Variants in PPP4C observed in about 807,000 individuals in gnomAD.
The protein encoded by PPP4C is serine/threonine-protein phosphatase 4 catalytic subunit.
A neutral mutation model predicts 40.5 loss-of-function variants in PPP4C; 10 were observed. The observed-to-expected ratio is 0.25, with a 90% CI of 0.15 to 0.42. The LOEUF (loss-of-function observed/expected upper bound fraction) is 0.42, where lower values mean the gene tolerates loss of function less well. Among genes scored for constraint, PPP4C ranks in the 10% least tolerant of loss-of-function variants. PPP4C has a pLI of 1.00. For synonymous variants in PPP4C, 187 were observed against 163.6 expected (o/e 1.14, Z -1.09); for missense variants, 191 against 416.4 (o/e 0.46, Z 4.71).
intron 5 of PPP4C, 146 bp downstream of exon 5, chr16:30,082,993 G>A: frequency 1.4e-6 from 1 of 713,454 alleles, no homozygotes; most frequent in Non-Finnish European, 2.3e-6. Flanking sequence ...TTTGGGGGTG[G>A]TCAGAGACTT....
chr16:30,080,693 G>A (rs1350731498), intron 2 of PPP4C, among the ~76,000 whole-genome samples: 3 of 152,022 alleles, frequency 2.0e-5, no homozygotes, highest in African/African-American at 7.2e-5. Context: ...ATTTAGTAGA[G>A]ACAGGGTTTC....
At position 30,085,080 on chromosome 16, in the gene PPP4C, C is replaced by A; in HGVS notation, c.*18C>A. ...TCCTGTGACCCCGCCCGGCCCCTGC[C>A]CCCTCCAACCCTTCTGGCCCTCGCA... is the stretch of plus-strand genomic sequence containing the variant. On this transcript the variant is annotated 3_prime_UTR_variant, in exon 9 of 9. Transcript: ENST00000279387. 1 of 1,611,900 alleles carries A rather than the reference C, an allele frequency of 6.2e-7. No homozygotes were observed. Among genetic ancestry groups the A allele is most frequent in the South Asian group, 1.1e-5 (1 of 90,896 alleles).
At chr16:30,082,941 C>T in intron 5 of PPP4C, 94 bp downstream of exon 5, 2 of 1,094,710 alleles carry the variant, frequency 1.8e-6, no homozygotes, top group East Asian at 2.4e-5. Flanking sequence ...CGTGACCAGC[C>T]CCACCTTGGA....
Position 30,083,146 on chromosome 16 carries a change from G to A in PPP4C, c.304-248G>A, listed in dbSNP as rs1014351615. On this transcript the variant is annotated intron_variant, in intron 5 of 8. Transcript: ENST00000279387. This position sits in a 1 kb window ranked among gnomAD's most constrained non-coding sequence, Gnocchi z 6.3. Reference sequence around the variant, plus strand: ...GGCCTGGGTGCCTTGCTAGGGACCCGGTCTGTGTCTGGTAGGTGAAAGAAG... The same window carrying A: ...GGCCTGGGTGCCTTGCTAGGGACCCAGTCTGTGTCTGGTAGGTGAAAGAAG... 18 of 597,886 alleles carry A rather than the reference G, an allele frequency of 3.0e-5. No individual in the cohort carries two copies. The highest frequency in any genetic ancestry group is 5.6e-5 in the African/African-American group (3 of 53,828). 37.0% of individuals were successfully genotyped at this position (597,886 alleles called of 1,614,324 possible).
Position 30,081,307 on chromosome 16 carries a change from C to A in PPP4C, c.147C>A (p.Val49=). Residue 49 remains valine (V), a synonymous_variant, in exon 3 of 9, where the codon GTC becomes GTA. Coordinates refer to ENST00000279387, the MANE Select transcript of PPP4C (RefSeq NM_002720.3). ...ESNVQRVDSP[V]TVCGDIHGQF... is the part of the protein sequence containing the mutation. ...ACGTGCAGAGGGTGGACTCGCCAGTCACAGTGAGTACCTGCTGTCCCTGCA... is the reference window on the plus strand; with the variant it reads ...ACGTGCAGAGGGTGGACTCGCCAGTAACAGTGAGTACCTGCTGTCCCTGCA... The A allele has an allele frequency of 6.2e-7, 1 of 1,612,950 alleles. No homozygotes were observed. The highest frequency in any genetic ancestry group is 1.1e-5 in the South Asian group (1 of 91,050).
intron 4 of PPP4C, 50 bp from the exon 5 acceptor site, chr16:30,082,696 G>A (rs766716948): frequency 2.2e-5 from 34 of 1,561,816 alleles, no homozygotes; most frequent in Non-Finnish European, 2.9e-5. Flanking sequence ...GAAACAGGTA[G>A]GGGGTAGGGG....
intron 2 of PPP4C, among the ~76,000 whole-genome samples, chr16:30,078,361 TTGAC>T (rs2072442706): frequency 6.6e-6 from 1 of 152,206 alleles, no homozygotes; most frequent in Admixed American, 6.5e-5. Context: ...ATCCAGGTCT[TTGAC>T]TGTGCTCCGT....
At position 30,083,102 on chromosome 16, in the gene PPP4C, GTGGGGCCAGATGACAAAGGGCC is replaced by G. The variant is rs2072542075; in HGVS notation, c.303+260_304-266del. The G allele has an allele frequency of 1.7e-6, 1 of 591,988 alleles. No homozygotes were observed. The highest frequency in any genetic ancestry group is 3.0e-6 in the Non-Finnish European group (1 of 334,584). The allele number at this position is 591,988 out of a possible 1,614,324, so 36.7% of individuals were successfully genotyped here. A position where few individuals can be genotyped will look rare whatever the true frequency, so the allele number is the denominator to read the frequency against. ...TGATGCCACTGGTGGGAGAGGCAGT[GTGGGGCCAGATGACAAAGGGCC>G]TGGGTGCCTTGCTAGGGACCCGGTC... On this transcript the variant is annotated intron_variant, in intron 5 of 8. Transcript: ENST00000279387. The surrounding 1 kb of genome is among the most constrained non-coding windows in gnomAD (Gnocchi z 6.3).
chr16:30,076,707 A>G (rs1039549048), intron 2 of PPP4C, among the ~76,000 whole-genome samples: 1 of 152,226 alleles, frequency 6.6e-6, no homozygotes, highest in Non-Finnish European at 1.5e-5. Flanking sequence ...AGAGTGTTAC[A>G]TAAAGTACTT....
intron 2 of PPP4C, 155 bp from the exon 3 acceptor site, chr16:30,081,104 G>A: frequency 1.0e-6 from 1 of 970,794 alleles, no homozygotes; most frequent in Non-Finnish European, 1.6e-6. Flanking sequence ...CATGCTGAAG[G>A]GCCGTGGTCA....
At chr16:30,081,347 C>A in intron 3 of PPP4C, 37 bp downstream of exon 3, 1 of 1,555,242 alleles carries the variant, frequency 6.4e-7, no homozygotes, top group South Asian at 1.1e-5. Context: ...CAGGCCTGGT[C>A]TTTCAGGCAC....
chr16:30,081,091 T>C lies in PPP4C; in HGVS notation c.99-168T>C, dbSNP rs2072496987. 4.8e-6 allele frequency: 4 copies of C among 838,582 alleles called. No individual in the cohort carries two copies. The Admixed American group carries it at 7.9e-5, about 17-fold the overall frequency. The allele number at this position is 838,582 out of a possible 1,614,324, so 51.9% of individuals were successfully genotyped here. ...GGCAGCAGGGGGCCACGGAAGGGTG[T>C]TGCATGCTGAAGGGCCGTGGTCAGC... On this transcript the variant is annotated intron_variant, in intron 2 of 8. Transcript: ENST00000279387.
chr16:30,082,368 A>C, intron 3 of PPP4C, 116 bp from the exon 4 acceptor site: 1 of 1,134,192 alleles, frequency 8.8e-7, no homozygotes, highest in Non-Finnish European at 1.3e-6. Flanking sequence ...TTTTGGTCCT[A>C]GGAAGTAGAA....
chr16:30,082,010 G>A (rs1377836578), intron 3 of PPP4C, among the ~76,000 whole-genome samples: 7 of 150,810 alleles, frequency 4.6e-5, no homozygotes, highest in East Asian at 3.9e-4. Flanking sequence ...AGCCGAGATC[G>A]CGCCACCGCA....
In PPP4C at chr16:30,076,064, C is replaced by T. The variant is rs1438545507; in HGVS notation, c.-94C>T. ...CGGAGTGAAAGAGGGAGGCAGGGAGCCGGAGAGCCGGAACCGGAGTCGCAG... is the reference window on the plus strand; with the variant it reads ...CGGAGTGAAAGAGGGAGGCAGGGAGTCGGAGAGCCGGAACCGGAGTCGCAG... On this transcript the variant is annotated 5_prime_UTR_variant, in exon 1 of 9. Transcript: ENST00000279387. 3 of 425,374 alleles carry T rather than the reference C, an allele frequency of 7.1e-6. No homozygotes were observed. Among genetic ancestry groups the T allele is most frequent in the Admixed American group, 4.1e-5 (1 of 24,602 alleles). 26.3% of individuals were successfully genotyped at this position (425,374 alleles called of 1,614,324 possible).
intron 2 of PPP4C, among the ~76,000 whole-genome samples, chr16:30,080,552 G>T (rs2072485790): frequency 6.9e-6 from 1 of 145,496 alleles, no homozygotes; most frequent in Admixed American, 7.0e-5. Context: ...TGTCGCCCAG[G>T]CTGGAGTGCA....
In PPP4C at chr16:30,083,200, G is replaced by A; in HGVS notation, c.304-194G>A. Reference sequence around the variant, plus strand: ...CATTAGGTTCATAGTTGAGGGAATGGGTCAGCTTTACATTCTCTGGAGGGG... The same window carrying A: ...CATTAGGTTCATAGTTGAGGGAATGAGTCAGCTTTACATTCTCTGGAGGGG... On this transcript the variant is annotated intron_variant, in intron 5 of 8. Coordinates refer to ENST00000279387, the MANE Select transcript of PPP4C (RefSeq NM_002720.3). This position sits in a 1 kb window ranked among gnomAD's most constrained non-coding sequence, Gnocchi z 6.3. The A allele has an allele frequency of 3.0e-6, 2 of 667,050 alleles. No individual in the cohort carries two copies. Among genetic ancestry groups the A allele is most frequent in the Non-Finnish European group, 5.2e-6 (2 of 386,224 alleles). 41.3% of individuals were successfully genotyped at this position (667,050 alleles called of 1,614,324 possible).
At chr16:30,084,211 A>G (rs1250903203) in intron 7 of PPP4C, among the ~76,000 whole-genome samples, 1 of 152,142 alleles carries the variant, frequency 6.6e-6, no homozygotes, top group Non-Finnish European at 1.5e-5. Context: ...ACACACACAC[A>G]TACACATAGC....
intron 2 of PPP4C, among the ~76,000 whole-genome samples, chr16:30,077,555 G>T (rs558172774): frequency 3.6e-4 from 55 of 152,270 alleles, no homozygotes; most frequent in Non-Finnish European, 6.3e-4. Context: ...ACAGTCAGGG[G>T]TTTAATTACC....
Sources: allele counts gnomAD v4.1 joint callset (sites outside exome capture counted in the v4.1 genomes callset), GRCh38; gene constraint gnomAD v4.1.1; non-coding constraint Gnocchi (gnomAD v3.1); transcripts MANE v1.5; gene names NCBI Gene and HGNC (gene_info 2026-07-23, HGNC 2026-07-21).